Variants in PCDH9 observed in about 807,000 individuals in gnomAD.
PCDH9 encodes the protein protocadherin 9.
PCDH9 carries 24 observed loss-of-function variants against 70.6 expected under a neutral mutation model. The ratio of observed to expected loss-of-function variants is 0.34; its 90% confidence interval spans 0.25 to 0.48. The LOEUF (loss-of-function observed/expected upper bound fraction) is 0.48, where lower values mean the gene tolerates loss of function less well. Ranked by LOEUF, PCDH9 falls within the 20% of genes least tolerant of loss-of-function variation. PCDH9 has a pLI of 0.99. For synonymous variants in PCDH9, 562 were observed against 558.5 expected, an observed-to-expected ratio of 1.01 and a Z score of -0.09; for missense variants, 1,281 against 1,503.6, an observed-to-expected ratio of 0.85 and a Z score of 2.45.
At chr13:66,544,604 C>G (rs757074165) in intron 4 of PCDH9, among the ~76,000 whole-genome samples, 2 of 152,162 alleles carry the variant, frequency 1.3e-5, no homozygotes, top group East Asian at 3.9e-4. Context: ...TACCTATGGG[C>G]AGTAGACAAC....
intron 4 of PCDH9, among the ~76,000 whole-genome samples, chr13:66,365,284 T>G (rs1465134850): frequency 6.6e-6 from 1 of 152,186 alleles, no homozygotes; most frequent in African/African-American, 2.4e-5. Flanking sequence ...GTCCAAGTGA[T>G]GTGCTACCTC....
chr13:67,092,957 G>A (rs1255385177), intron 2 of PCDH9, among the ~76,000 whole-genome samples: 1 of 149,402 alleles, frequency 6.7e-6, no homozygotes, highest in African/African-American at 2.5e-5. Context: ...ATGTAAAGAA[G>A]GGGGAAAAAA....
At chr13:66,950,451 T>C (rs1168957990) in intron 2 of PCDH9, among the ~76,000 whole-genome samples, 1 of 152,072 alleles carries the variant, frequency 6.6e-6, no homozygotes, top group African/African-American at 2.4e-5. Flanking sequence ...ATATCAAGGA[T>C]TGGGAAACAT....
chr13:66,641,109 C>T (rs1279528525), intron 3 of PCDH9, among the ~76,000 whole-genome samples: 1 of 152,186 alleles, frequency 6.6e-6, no homozygotes, highest in South Asian at 2.1e-4. Context: ...AAACTCCTGA[C>T]CTCAAAAGTA....
intron 3 of PCDH9, among the ~76,000 whole-genome samples, chr13:66,706,011 T>G (rs2078706455): frequency 6.6e-6 from 1 of 152,206 alleles, no homozygotes; most frequent in Admixed American, 6.5e-5. Flanking sequence ...ATGAAATACT[T>G]TGATTGCGGG....
chr13:67,208,519 A>G (rs746190302), intron 2 of PCDH9: 8 of 152,194 alleles, frequency 5.3e-5, no homozygotes, highest in Non-Finnish European at 1.0e-4. Flanking sequence ...ATTTTGACCA[A>G]AAATTAGATT....
intron 3 of PCDH9, among the ~76,000 whole-genome samples, chr13:66,824,671 T>C (rs2080780873): frequency 1.9e-5 from 1 of 51,708 alleles, no homozygotes; most frequent in Non-Finnish European, 5.1e-5. Context: ...TATATATATA[T>C]ATATATATAT....
At chr13:66,629,767 A>G (rs2077545743) in intron 4 of PCDH9, among the ~76,000 whole-genome samples, 2 of 152,240 alleles carry the variant, frequency 1.3e-5, no homozygotes, top group African/African-American at 4.8e-5. Context: ...CAGAGAGAAG[A>G]TAAAATGTAA....
chr13:66,884,038 C>T (rs1165452130), intron 3 of PCDH9, among the ~76,000 whole-genome samples: 1 of 151,238 alleles, frequency 6.6e-6, no homozygotes, highest in Non-Finnish European at 1.5e-5. Flanking sequence ...GAGTAGCTGG[C>T]ACTACAGGCA....
chr13:66,723,697 C>G (rs1433863660), intron 3 of PCDH9, among the ~76,000 whole-genome samples: 1 of 151,750 alleles, frequency 6.6e-6, no homozygotes, highest in African/African-American at 2.4e-5. Flanking sequence ...GGTTGGGTAA[C>G]AAAAGATCCA....
At chr13:66,354,310 A>G (rs1956343623) in intron 4 of PCDH9, among the ~76,000 whole-genome samples, 1 of 152,182 alleles carries the variant, frequency 6.6e-6, no homozygotes, top group Admixed American at 6.6e-5. Context: ...ATAAAAGTTA[A>G]AGGTATTTCA....
chr13:66,885,671 A>G (rs2081993146), intron 3 of PCDH9, among the ~76,000 whole-genome samples: 1 of 152,128 alleles, frequency 6.6e-6, no homozygotes, highest in South Asian at 2.1e-4. Context: ...AGATGCTTTT[A>G]GTTTAATAAA....
At chr13:66,595,836 G>T (rs148958941) in intron 4 of PCDH9, among the ~76,000 whole-genome samples, 5 of 151,630 alleles carry the variant, frequency 3.3e-5, no homozygotes, top group Admixed American at 2.6e-4. Context: ...ACCCTGAAAA[G>T]ATTGTAAGAT....
chr13:66,738,803 A>C (rs2079203535), intron 3 of PCDH9, among the ~76,000 whole-genome samples: 1 of 152,120 alleles, frequency 6.6e-6, no homozygotes, highest in Admixed American at 6.5e-5. Flanking sequence ...AAAAAATAAA[A>C]AGAAATGAGC....
intron 4 of PCDH9, among the ~76,000 whole-genome samples, chr13:66,529,068 T>C (rs1960330270): frequency 6.6e-6 from 1 of 152,086 alleles, no homozygotes; most frequent in Non-Finnish European, 1.5e-5. Flanking sequence ...TGTTGACCTA[T>C]CTCTGCCATT....
intron 4 of PCDH9, among the ~76,000 whole-genome samples, chr13:66,484,438 G>A (rs1262007613): frequency 6.6e-6 from 1 of 152,142 alleles, no homozygotes; most frequent in Middle Eastern, 3.2e-3. Flanking sequence ...CACCGTGCGA[G>A]GGCGATAAAA....
At chr13:66,640,416 C>T (rs949332110) in intron 3 of PCDH9, among the ~76,000 whole-genome samples, 1 of 152,078 alleles carries the variant, frequency 6.6e-6, no homozygotes, top group African/African-American at 2.4e-5. Flanking sequence ...AAGTAGGCCA[C>T]GTTTTTAAAG....
intron 2 of PCDH9, among the ~76,000 whole-genome samples, chr13:67,172,081 T>C (rs2088302159): frequency 6.6e-6 from 1 of 152,222 alleles, no homozygotes; most frequent in Non-Finnish European, 1.5e-5. Context: ...TCCATGAATG[T>C]ATGTTAATCT....
chr13:66,535,182 A>G (rs1043630488), intron 4 of PCDH9, among the ~76,000 whole-genome samples: 6 of 152,146 alleles, frequency 3.9e-5, no homozygotes, highest in Admixed American at 6.6e-5. Flanking sequence ...TCTTCAGAAC[A>G]TGAAACACTA....
Sources: gnomAD v4.1 joint callset for allele counts (sites outside exome capture counted in the v4.1 genomes callset) on GRCh38, gnomAD v4.1.1 for gene constraint, MANE v1.5 for transcripts, NCBI Gene and HGNC (gene_info 2026-07-23, HGNC 2026-07-21) for gene names.